PILRA: variants seen among roughly 807,000 people sequenced by gnomAD.
PILRA encodes the protein paired immunoglobin like type 2 receptor alpha, also known as paired immunoglobulin-like type 2 receptor alpha.
A neutral mutation model predicts 33.1 loss-of-function variants in PILRA; 37 were observed. The ratio of observed to expected loss-of-function variants is 1.12; its 90% CI spans 0.86 to 1.47. The LOEUF is 1.47. PILRA is among the 40% of genes most tolerant of loss of function. PILRA has a pLI of 0.00. For missense variants in PILRA, 312 were observed against 376.2 expected, an observed-to-expected ratio of 0.83 and a Z score of 1.41; for synonymous variants, 146 against 149.9, an observed-to-expected ratio of 0.97 and a Z score of 0.19.
intron 3 of PILRA, among the ~76,000 whole-genome samples, chr7:100,397,441 G>A (rs1029341299): frequency 1.3e-5 from 2 of 151,958 alleles, no homozygotes; most frequent in Non-Finnish European, 2.9e-5. Flanking sequence ...CAAGCACGAC[G>A]CTCCCAAGGC....
At chr7:100,385,993 G>A (rs375594234) in intron 2 of PILRA, among the ~76,000 whole-genome samples, 2 of 150,432 alleles carry the variant, frequency 1.3e-5, no homozygotes, top group African/African-American at 2.5e-5. Flanking sequence ...GAGGTGGCAC[G>A]ATCTCAGCTC....
At chr7:100,397,345 A>G (rs1296676725) in intron 3 of PILRA, among the ~76,000 whole-genome samples, 4 of 152,062 alleles carry the variant, frequency 2.6e-5, no homozygotes, top group African/African-American at 9.7e-5. Flanking sequence ...TGGGAGAGGC[A>G]GCAGAGGATT....
At chr7:100,389,803 A>G in intron 2 of PILRA, 85 bp from the exon 3 acceptor site, 2 of 1,148,214 alleles carry the variant, frequency 1.7e-6, no homozygotes, top group Non-Finnish European at 2.6e-6. Context: ...AATGTCCCCC[A>G]ACCTAGAAAG....
intron 3 of PILRA, 46 bp downstream of exon 3, chr7:100,390,152 G>A (rs757750769): frequency 6.5e-7 from 1 of 1,527,310 alleles, no homozygotes; most frequent in Non-Finnish European, 9.1e-7. Context: ...CCATCTGGGG[G>A]TTTCTCAAAG....
chr7:100,386,636 G>C (rs1791260999), intron 2 of PILRA, among the ~76,000 whole-genome samples: 2 of 151,934 alleles, frequency 1.3e-5, no homozygotes, highest in Non-Finnish European at 2.9e-5. Context: ...TCCTCCTGAG[G>C]CTCCTGAGTA....
intron 3 of PILRA, among the ~76,000 whole-genome samples, chr7:100,392,257 TGA>T (rs912577443): frequency 4.6e-5 from 7 of 152,242 alleles, no homozygotes; most frequent in African/African-American, 1.7e-4. Flanking sequence ...TGCAATGAAC[TGA>T]GAGAGTACCA....
At chr7:100,380,590 G>A (rs1791067601) in intron 2 of PILRA, among the ~76,000 whole-genome samples, 1 of 152,180 alleles carries the variant, frequency 6.6e-6, no homozygotes, top group African/African-American at 2.4e-5. Context: ...GAGGCCAGGA[G>A]TTCAAGACCA....
chr7:100,373,564 C>T lies in PILRA; in HGVS notation c.-93C>T, dbSNP rs201184222. 2.4e-3 allele frequency: 3,419 copies of T among 1,448,838 alleles called. 20 individuals are homozygous for T. Among genetic ancestry groups the T allele is most frequent in the South Asian group, 3.1e-3 (268 of 87,612 alleles). The allele number at this position is 1,448,838 out of a possible 1,614,324, so 89.7% of individuals were successfully genotyped here. A position where few individuals can be genotyped will look rare whatever the true frequency, so the allele number is the denominator to read the frequency against. On this transcript the variant is annotated 5_prime_UTR_variant, in exon 1 of 7. Transcript: ENST00000198536. Reference sequence around the variant, plus strand: ...CGGAGCCTGAGCCCGGCTCTCCTCACTCACCTCAACCCCCAGGCGGCCCCT... The same window carrying T: ...CGGAGCCTGAGCCCGGCTCTCCTCATTCACCTCAACCCCCAGGCGGCCCCT...
At chr7:100,389,617 GGAAA>G (rs1791335659) in intron 2 of PILRA, among the ~76,000 whole-genome samples, 1 of 147,164 alleles carries the variant, frequency 6.8e-6, no homozygotes, top group African/African-American at 2.5e-5. Flanking sequence ...AAGGAATGAA[GGAAA>G]GAAGGAAGGA....
At chr7:100,399,028 T>G (rs1394442134) in intron 4 of PILRA, among the ~76,000 whole-genome samples, 1 of 151,896 alleles carries the variant, frequency 6.6e-6, no homozygotes, top group Non-Finnish European at 1.5e-5. Context: ...AGCCTTGAAC[T>G]CCTGGGCTCA....
At chr7:100,384,007 A>C (rs924871802) in intron 2 of PILRA, among the ~76,000 whole-genome samples, 3 of 152,154 alleles carry the variant, frequency 2.0e-5, no homozygotes, top group African/African-American at 7.2e-5. Context: ...GCGAAGTCAG[A>C]AGCAGGGAGA....
intron 3 of PILRA, among the ~76,000 whole-genome samples, chr7:100,397,017 A>G (rs1344676818): frequency 1.3e-5 from 2 of 151,880 alleles, no homozygotes; most frequent in African/African-American, 4.8e-5. Flanking sequence ...AAAATAAAAC[A>G]TAACCTAAAG....
chr7:100,392,349 T>C (rs1240615562), intron 3 of PILRA, among the ~76,000 whole-genome samples: 1 of 152,008 alleles, frequency 6.6e-6, no homozygotes, highest in East Asian at 1.9e-4. Context: ...GAGCATGGGG[T>C]TGGGGCTGCC....
At chr7:100,381,738 C>T (rs564037389) in intron 2 of PILRA, among the ~76,000 whole-genome samples, 121 of 152,222 alleles carry the variant, frequency 7.9e-4, no homozygotes, top group Non-Finnish European at 3.2e-4. Context: ...GGGAGAGGCG[C>T]GGGCGGGAAC....
chr7:100,386,587 A>G (rs1791260197), intron 2 of PILRA, among the ~76,000 whole-genome samples: 1 of 152,042 alleles, frequency 6.6e-6, no homozygotes, highest in Admixed American at 6.5e-5. Flanking sequence ...GCACAATCAT[A>G]GATCACTGCA....
At chr7:100,399,461 G>A in intron 5 of PILRA, 120 bp from the exon 6 acceptor site, 1 of 1,380,434 alleles carries the variant, frequency 7.2e-7, no homozygotes, top group Non-Finnish European at 1.0e-6. Context: ...CTTGCCCCTT[G>A]CCCTCACGTG....
chr7:100,374,185 T>C lies in PILRA; in HGVS notation c.206T>C (p.Ile69Thr). Residue 69 changes from isoleucine (I) to threonine (T), a missense_variant, in exon 2 of 7, where the codon ATA (isoleucine) becomes ACA (threonine). Physicochemically the swap from Ile to Thr is moderately conservative, Grantham distance 89. Coordinates refer to ENST00000198536, the MANE Select transcript of PILRA (RefSeq NM_013439.3). Reference sequence around the variant, plus strand: ...TTAGCCACAGCTCCCGACGTGAGAATATCCTGGAGACGGGGCCACTTCCAC... The same window carrying C: ...TTAGCCACAGCTCCCGACGTGAGAACATCCTGGAGACGGGGCCACTTCCAC... Reference protein sequence around the residue: ...WELATAPDVRISWRRGHFHRQ... With the variant: ...WELATAPDVRTSWRRGHFHRQ... The C allele has an allele frequency of 6.2e-7, 1 of 1,614,098 alleles. No individual in the cohort carries two copies. Among genetic ancestry groups the C allele is most frequent in the South Asian group, 1.1e-5 (1 of 91,090 alleles).
intron 5 of PILRA, 73 bp downstream of exon 5, chr7:100,399,413 G>C (rs533759941): frequency 1.4e-6 from 2 of 1,424,850 alleles, no homozygotes; most frequent in African/African-American, 1.4e-5. Flanking sequence ...CCCCCTACCT[G>C]GGTCCGTGCC....
intron 2 of PILRA, chr7:100,376,115 C>T (rs1462698317): frequency 6.6e-6 from 1 of 152,186 alleles, no homozygotes; most frequent in Non-Finnish European, 1.5e-5. Context: ...TTACTCTTCC[C>T]TGCAGGGACC....
Sources: allele counts gnomAD v4.1 joint callset (sites outside exome capture counted in the v4.1 genomes callset), GRCh38; gene constraint gnomAD v4.1.1; transcripts MANE v1.5; gene names NCBI Gene and HGNC (gene_info 2026-07-23, HGNC 2026-07-21).